The following WIZ variants were observed in gnomAD, a reference collection of about 807,000 sequenced individuals.
WIZ encodes protein Wiz.
Under a neutral mutation model 140.2 loss-of-function variants are expected in WIZ, and 25 were observed. The ratio of observed to expected loss-of-function variants is 0.18; its 90% CI spans 0.13 to 0.25. The LOEUF is 0.25. Among genes scored for constraint, WIZ ranks in the 10% least tolerant of loss-of-function variants. WIZ has a pLI of 1.00. For missense variants in WIZ, 2,231 were observed against 2,632.6 expected (o/e 0.85, Z 3.34); for synonymous variants, 1,125 against 1,154.3 (o/e 0.97, Z 0.51).
In WIZ at chr19:15,427,684, G is replaced by A. The variant is rs560924012; in HGVS notation, c.3815-151C>T. On this transcript the variant is annotated intron_variant, in intron 8 of 12. Coordinates refer to ENST00000673675, the MANE Select transcript of WIZ (RefSeq NM_001371589.1). This position sits in a 1 kb window ranked among gnomAD's most constrained non-coding sequence, Gnocchi z 6.4. ...GGTGCAGGTAAGGGAGTGGAGGAGCGGGGCTGGGGGCCAGATACCCGGCAG... is the reference window on the plus strand; with the variant it reads ...GGTGCAGGTAAGGGAGTGGAGGAGCAGGGCTGGGGGCCAGATACCCGGCAG... 4.9e-5 allele frequency: 43 copies of A among 873,098 alleles called. No individual in the cohort carries two copies. The South Asian group carries it at 5.7e-4, about 12-fold the overall frequency. The allele number at this position is 873,098 out of a possible 1,614,324, so 54.1% of individuals were successfully genotyped here.
chr19:15,438,440 C>T, intron 4 of WIZ, 138 bp downstream of exon 4: 2 of 999,718 alleles, frequency 2.0e-6, no homozygotes, highest in Non-Finnish European at 2.8e-6. Context: ...GACCAGGTGG[C>T]CTTCACTGTG....
chr19:15,440,403 C>A lies in WIZ; in HGVS notation c.591G>T (p.Gln197His), dbSNP rs1038280961. ...GCAGGTCCAAGTGCAGCCCTGCGTC[C>A]TGGGGGGATCCCTGCTCGTCCTCAT... is the stretch of plus-strand genomic sequence containing the variant. The part of the protein sequence containing the change: ...LQDEDEQGSP[Q>H]DAGLHLDLPA... The change falls in exon 4 of 13, where the codon CAG (glutamine) becomes CAT (histidine). Residue 197 changes from glutamine to histidine, a missense_variant. Physicochemically the swap from Gln to His is conservative, Grantham distance 24 (BLOSUM62 0). This residue lies in a region of WIZ where 307 missense variants were observed against 294.1 expected (regional missense o/e 1.04). Coordinates refer to ENST00000673675, the MANE Select transcript of WIZ (RefSeq NM_001371589.1). This position sits in a 1 kb window ranked among gnomAD's most constrained non-coding sequence, Gnocchi z 6.2. The A allele has an allele frequency of 6.1e-5, 93 of 1,535,624 alleles. No individual in the cohort carries two copies. The highest frequency in any genetic ancestry group is 3.3e-4 in the Middle Eastern group (2 of 6,010).
At position 15,428,643 on chromosome 19, in the gene WIZ, T is replaced by C; in HGVS notation, c.3416-135A>G. 1.8e-6 allele frequency: 2 copies of C among 1,098,034 alleles called. No individual in the cohort carries two copies. Among genetic ancestry groups the C allele is most frequent in the Non-Finnish European group, 2.6e-6 (2 of 774,808 alleles). The allele number at this position is 1,098,034 out of a possible 1,614,324, so 68.0% of individuals were successfully genotyped here. A position where few individuals can be genotyped will look rare whatever the true frequency, so the allele number is the denominator to read the frequency against. On this transcript the variant is annotated intron_variant, in intron 7 of 12. Coordinates refer to ENST00000673675, the MANE Select transcript of WIZ (RefSeq NM_001371589.1). This position sits in a 1 kb window ranked among gnomAD's most constrained non-coding sequence, Gnocchi z 6.4. ...TCCAAGACTCAGGCCGCAGATTTCT[T>C]TTGAAGTTTGGGAAGCAGGACATCC...
In WIZ at chr19:15,428,560, T is replaced by C. The variant is rs1417485833; in HGVS notation, c.3416-52A>G. ...TCACGGCCGCCACCTTGGCCGGCCT[T>C]GGGGGCCTGAGGTAGGAGGGTCTGG... is the stretch of plus-strand genomic sequence containing the variant. On this transcript the variant is annotated intron_variant, in intron 7 of 12. Coordinates refer to ENST00000673675, the MANE Select transcript of WIZ (RefSeq NM_001371589.1). The surrounding 1 kb of genome is among the most constrained non-coding windows in gnomAD (Gnocchi z 6.4). 10 of 1,526,548 alleles carry C rather than the reference T, an allele frequency of 6.6e-6. No homozygotes were observed. Among genetic ancestry groups the C allele is most frequent in the Non-Finnish European group, 8.8e-6 (10 of 1,141,902 alleles). The allele number at this position is 1,526,548 out of a possible 1,614,324, so 94.6% of individuals were successfully genotyped here.
At chr19:15,445,835 G>T (rs1212021594) in intron 2 of WIZ, among the ~76,000 whole-genome samples, 3 of 152,134 alleles carry the variant, frequency 2.0e-5, no homozygotes, top group African/African-American at 4.8e-5. Flanking sequence ...AGGGAAGTTT[G>T]GAGGTGGCCA....
intron 4 of WIZ, 145 bp downstream of exon 4, chr19:15,438,433 C>T: frequency 1.1e-6 from 1 of 903,716 alleles, no homozygotes; most frequent in Non-Finnish European, 1.6e-6. Flanking sequence ...ATCCACCGAC[C>T]AGGTGGCCTT....
chr19:15,426,952 C>T lies in WIZ; in HGVS notation c.4366+30G>A, dbSNP rs1968862778. 4 of 1,576,098 alleles carry T rather than the reference C, an allele frequency of 2.5e-6. No individual in the cohort carries two copies. The South Asian group carries it at 4.7e-5, about 19-fold the overall frequency. On this transcript the variant is annotated intron_variant, in intron 9 of 12. Transcript: ENST00000673675. ...CAGGGAGGAGACCCCTCCAACTGTT[C>T]TCCCTGCCCTACTGCAGGGTCACAC...
Position 15,439,441 on chromosome 19 carries a change from G to C in WIZ, c.1553C>G (p.Pro518Arg), listed in dbSNP as rs1969646017. 3 of 1,532,392 alleles carry C rather than the reference G, an allele frequency of 2.0e-6. No homozygotes were observed. Among genetic ancestry groups the C allele is most frequent in the Non-Finnish European group, 2.6e-6 (3 of 1,144,750 alleles). 94.9% of individuals were successfully genotyped at this position (1,532,392 alleles called of 1,614,324 possible). Residue 518 changes from proline to arginine, a missense_variant, in exon 4 of 13, where the codon CCT (proline) becomes CGT (arginine). Pro to Arg is a moderately radical substitution (Grantham distance 103). Transcript: ENST00000673675. The surrounding 1 kb of genome is among the most constrained non-coding windows in gnomAD (Gnocchi z 7.0). ...GCCAAAGTAGTCCACAGCAGTGTCA[G>C]GGAAGCAGGCGTGAGCATCCTGGCT... ...GTSQDAHACF[P>R]DTAVDYFGKA...
intron 3 of WIZ, among the ~76,000 whole-genome samples, chr19:15,441,164 T>G (rs1216497869): frequency 6.6e-6 from 1 of 152,180 alleles, no homozygotes; most frequent in Non-Finnish European, 1.5e-5. Context: ...ATTTGGCGAT[T>G]AACTTTGTGG....
In WIZ at chr19:15,428,779, C is replaced by A. The variant is rs1206205160; in HGVS notation, c.3416-271G>T. On this transcript the variant is annotated intron_variant, in intron 7 of 12. Coordinates refer to ENST00000673675, the MANE Select transcript of WIZ (RefSeq NM_001371589.1). The surrounding 1 kb of genome is among the most constrained non-coding windows in gnomAD (Gnocchi z 6.4). ...AATCAGATACTCCCAGACCCTCTCC[C>A]CTAGGATCCCTGCTATGGGAGCTAT... 1.3e-5 allele frequency among the ~76,000 whole-genome samples: 2 copies of A among 152,152 alleles called. No individual in the cohort carries two copies. Among genetic ancestry groups the A allele is most frequent in the African/African-American group, 4.8e-5 (2 of 41,420 alleles).
Position 15,440,891 on chromosome 19 carries a change from A to G in WIZ, c.279-176T>C, listed in dbSNP as rs1260247197. Among the ~76,000 whole-genome samples, 1 of 151,798 alleles carries G rather than the reference A, an allele frequency of 6.6e-6. No individual in the cohort carries two copies. Among genetic ancestry groups the G allele is most frequent in the Non-Finnish European group, 1.5e-5 (1 of 67,912 alleles). On this transcript the variant is annotated intron_variant, in intron 3 of 12. Coordinates refer to ENST00000673675, the MANE Select transcript of WIZ (RefSeq NM_001371589.1). The surrounding 1 kb of genome is among the most constrained non-coding windows in gnomAD (Gnocchi z 6.2). ...GGGGAGTCCACGTGGATCCTTCCGGACCTATCGGGTCAAAAGCCAGGTTCA... is the reference window on the plus strand; with the variant it reads ...GGGGAGTCCACGTGGATCCTTCCGGGCCTATCGGGTCAAAAGCCAGGTTCA...
In WIZ at chr19:15,427,946, G is replaced by C. The variant is rs756042215; in HGVS notation, c.3814+164C>G. 6.6e-6 allele frequency among the ~76,000 whole-genome samples: 1 copy of C among 152,178 alleles called. No homozygotes were observed. Among genetic ancestry groups the C allele is most frequent in the African/African-American group, 2.4e-5 (1 of 41,462 alleles). On this transcript the variant is annotated intron_variant, in intron 8 of 12. Coordinates refer to ENST00000673675, the MANE Select transcript of WIZ (RefSeq NM_001371589.1). The surrounding 1 kb of genome is among the most constrained non-coding windows in gnomAD (Gnocchi z 6.4). ...GTCATGGAGGTCAAAGGCCAAGAGAGAGGGCCTAGCAGCCCACTGCCAACA... is the reference window on the plus strand; with the variant it reads ...GTCATGGAGGTCAAAGGCCAAGAGACAGGGCCTAGCAGCCCACTGCCAACA...
chr19:15,438,947 G>T lies in WIZ; in HGVS notation c.2047C>A (p.Pro683Thr). The change falls in exon 4 of 13, where the codon CCC (proline) becomes ACC (threonine). Residue 683 changes from proline (P) to threonine (T), a missense_variant. By Grantham distance (38) the Pro-to-Thr change is conservative (BLOSUM62 -1). Around this residue, in one of 15 missense-constraint regions of WIZ, gnomAD observed 475 missense variants for 520.2 expected, o/e 0.91. Coordinates refer to ENST00000673675, the MANE Select transcript of WIZ (RefSeq NM_001371589.1). Reference protein sequence around the residue: ...GQQQQLRGMVPIVLVAKLGPQ... With the variant: ...GQQQQLRGMVTIVLVAKLGPQ... ...CCCAGCTTCGCCACGAGCACAATGG[G>T]TACCATCCCTCGGAGCTGCTGCTGC... is the stretch of plus-strand genomic sequence containing the variant. The T allele has an allele frequency of 6.9e-7, 1 of 1,451,128 alleles. No individual in the cohort carries two copies. The highest frequency in any genetic ancestry group is 9.1e-7 in the Non-Finnish European group (1 of 1,104,160). 89.9% of individuals were successfully genotyped at this position (1,451,128 alleles called of 1,614,324 possible). A position where few individuals can be genotyped will look rare whatever the true frequency, so the allele number is the denominator to read the frequency against.
chr19:15,430,126 G>T, intron 6 of WIZ, 37 bp from the exon 7 acceptor site: 1 of 1,476,938 alleles, frequency 6.8e-7, no homozygotes, highest in East Asian at 2.5e-5. Flanking sequence ...AGCAGGCTGT[G>T]AGGCCCACGG....
rs1295377562 is a variant in WIZ, at chr19:15,428,410, G to A, written c.3514C>T (p.Arg1172Cys). 9 of 1,535,652 alleles carry A rather than the reference G, an allele frequency of 5.9e-6. No homozygotes were observed. Among genetic ancestry groups the A allele is most frequent in the East Asian group, 4.9e-5 (2 of 40,910 alleles). Residue 1172 changes from arginine (R) to cysteine (C), a missense_variant, in exon 8 of 13, where the codon CGC (arginine) becomes TGC (cysteine). By Grantham distance (180) the Arg-to-Cys change is radical (BLOSUM62 -3). Coordinates refer to ENST00000673675, the MANE Select transcript of WIZ (RefSeq NM_001371589.1). The surrounding 1 kb of genome is among the most constrained non-coding windows in gnomAD (Gnocchi z 6.4). ...TCCGGATCGCTGACGCCCAGGTGGC[G>A]CAGGTGGGCACGGGCGTGGCTAGAC... Reference protein sequence around the residue: ...GLSSHARAHLRHLGVSDPDAK... With the variant: ...GLSSHARAHLCHLGVSDPDAK...
intron 2 of WIZ, among the ~76,000 whole-genome samples, chr19:15,447,049 C>T (rs1429554149): frequency 6.6e-6 from 1 of 152,210 alleles, no homozygotes; most frequent in Non-Finnish European, 1.5e-5. Context: ...TCTCAGTTTC[C>T]CCATCTCTGA....
intron 12 of WIZ, among the ~76,000 whole-genome samples, chr19:15,423,879 C>T (rs1316268997): frequency 3.3e-5 from 5 of 152,368 alleles, no homozygotes; most frequent in South Asian, 2.1e-4. Flanking sequence ...ACTTACTCCT[C>T]GTAACAAATC....
chr19:15,430,226 C>T, intron 6 of WIZ, 137 bp from the exon 7 acceptor site: 1 of 1,266,120 alleles, frequency 7.9e-7, no homozygotes, highest in Non-Finnish European at 1.1e-6. Context: ...CCAAACCTCA[C>T]AATGACCCTA....
intron 1 of WIZ, among the ~76,000 whole-genome samples, chr19:15,448,951 A>AC (rs923172508): frequency 1.4e-5 from 2 of 139,412 alleles, no homozygotes; most frequent in Non-Finnish European, 1.6e-5. Context: ...TAACCCCTTC[A>AC]CCCCCCTCCA....
Sources: allele counts gnomAD v4.1 joint callset (sites outside exome capture counted in the v4.1 genomes callset), GRCh38; gene constraint gnomAD v4.1.1; regional missense constraint gnomAD v4.1.1; non-coding constraint Gnocchi (gnomAD v3.1); transcripts MANE v1.5; gene names NCBI Gene and HGNC (gene_info 2026-07-23, HGNC 2026-07-21).